ANKRD28: variants seen among roughly 807,000 people sequenced by gnomAD.
ANKRD28 encodes serine/threonine-protein phosphatase 6 regulatory ankyrin repeat subunit A.
In ANKRD28, 44 loss-of-function variants were observed where a neutral mutation model predicts 126.5. The ratio of observed to expected loss-of-function variants is 0.35; its 90% CI spans 0.27 to 0.45. The LOEUF (loss-of-function observed/expected upper bound fraction) is 0.45. Ranked by LOEUF, ANKRD28 falls within the 20% of genes least tolerant of loss-of-function variation. The pLI is 1.00. For missense variants in ANKRD28, 1,110 were observed against 1,316.6 expected (o/e 0.84, Z 2.43); for synonymous variants, 442 against 468.5 (o/e 0.94, Z 0.73).
chr3:15,784,689 A>C (rs1446659333), intron 2 of ANKRD28, among the ~76,000 whole-genome samples: 6 of 152,052 alleles, frequency 3.9e-5, no homozygotes, highest in Non-Finnish European at 7.4e-5. Flanking sequence ...CAATGGTCTA[A>C]AAACACCAAT....
rs1258907511 is a variant in ANKRD28, at chr3:15,839,263, T to A, written c.27+20114A>T. 4.0e-5 allele frequency among the ~76,000 whole-genome samples: 6 copies of A among 151,898 alleles called. No individual in the cohort carries two copies. On this transcript the variant is annotated intron_variant, in intron 1 of 27. Coordinates refer to the ANKRD28 transcript ENST00000399451. The surrounding 1 kb of genome is among the most constrained non-coding windows in gnomAD (Gnocchi z 4.3). ...AATTTTATGGTATATAAATTATACCTCAATAAACTGTTAAAAAAAAAACAC... is the reference window on the plus strand; with the variant it reads ...AATTTTATGGTATATAAATTATACCACAATAAACTGTTAAAAAAAAAACAC...
chr3:15,800,012 T>C (rs778582285), upstream of ANKRD28, among the ~76,000 whole-genome samples: 1 of 152,072 alleles, frequency 6.6e-6, no homozygotes, highest in African/African-American at 2.4e-5. Flanking sequence ...GAGTTTCATA[T>C]CTCTAATAAG....
At chr3:15,810,415 G>C (rs1194612308) in intron 1 of ANKRD28, among the ~76,000 whole-genome samples, 1 of 151,988 alleles carries the variant, frequency 6.6e-6, no homozygotes, top group Non-Finnish European at 1.5e-5. Context: ...TTTCAGTGAA[G>C]CATTATTTAC....
chr3:15,833,947 T>C lies in ANKRD28; in HGVS notation c.27+25430A>G, dbSNP rs1030122731. 3.9e-5 allele frequency among the ~76,000 whole-genome samples: 6 copies of C among 152,230 alleles called. 1 individual carries two copies. Among genetic ancestry groups the C allele is most frequent in the Admixed American group, 2.0e-4 (3 of 15,282 alleles). On this transcript the variant is annotated intron_variant, in intron 1 of 27. Coordinates refer to the ANKRD28 transcript ENST00000399451. This position sits in a 1 kb window ranked among gnomAD's most constrained non-coding sequence, Gnocchi z 4.4. ...CATTTTTTAATGTTTGTTTTTTTCTTAAGTTCCTTGTAGATTCTGGATATT... is the reference window on the plus strand; with the variant it reads ...CATTTTTTAATGTTTGTTTTTTTCTCAAGTTCCTTGTAGATTCTGGATATT...
chr3:15,768,555 T>A (rs1221995757), intron 2 of ANKRD28, among the ~76,000 whole-genome samples: 1 of 151,858 alleles, frequency 6.6e-6, no homozygotes, highest in African/African-American at 2.4e-5. Flanking sequence ...CTCGGCAGGC[T>A]GAGGTAGGAT....
intron 1 of ANKRD28, among the ~76,000 whole-genome samples, chr3:15,858,449 T>C (rs543363250): frequency 1.3e-5 from 2 of 152,358 alleles, no homozygotes; most frequent in East Asian, 3.9e-4. Context: ...ATATAAAAAA[T>C]AGTCTCAGGT....
At position 15,676,003 on chromosome 3, in the gene ANKRD28, C is replaced by A; in HGVS notation, c.2874-14G>T. On this transcript the variant is annotated splice_polypyrimidine_tract_variant and intron_variant, in intron 26 of 27. Transcript: ENST00000683139. ...ACATGCAGAGGTCTAGGGGAAAAAA[C>A]ATGATACATGTACACATATGTGCAT... 6.2e-7 allele frequency: 1 copy of A among 1,606,432 alleles called. No homozygotes were observed. The highest frequency in any genetic ancestry group is 8.5e-7 in the Non-Finnish European group (1 of 1,175,254).
chr3:15,759,861 T>C (rs1249908807), intron 3 of ANKRD28, among the ~76,000 whole-genome samples: 1 of 152,192 alleles, frequency 6.6e-6, no homozygotes, highest in Admixed American at 6.5e-5. Flanking sequence ...TGCTGTGTCC[T>C]AAAATCCCTA....
intron 1 of ANKRD28, among the ~76,000 whole-genome samples, chr3:15,805,482 G>C (rs560870862): frequency 4.8e-4 from 73 of 152,142 alleles, no homozygotes; most frequent in African/African-American, 1.6e-3. Flanking sequence ...TAGTATCTCT[G>C]ACATATGACT....
At chr3:15,827,286 A>C (rs2061088345) in intron 1 of ANKRD28, among the ~76,000 whole-genome samples, 2 of 152,200 alleles carry the variant, frequency 1.3e-5, no homozygotes, top group South Asian at 4.1e-4. Context: ...AAAAGAAATG[A>C]AAGCAGTATG....
intron 3 of ANKRD28, among the ~76,000 whole-genome samples, chr3:15,761,398 G>C (rs1442629437): frequency 6.6e-6 from 1 of 152,038 alleles, no homozygotes; most frequent in Non-Finnish European, 1.5e-5. Context: ...GAATTGATCA[G>C]ATCAAATATC....
chr3:15,826,520 C>T (rs2125923020), intron 1 of ANKRD28, among the ~76,000 whole-genome samples: 1 of 152,280 alleles, frequency 6.6e-6, no homozygotes, highest in East Asian at 1.9e-4. Context: ...TAAAAGCTAA[C>T]TTCCAAGGTG....
rs1304933763 is a variant in ANKRD28 at position 15,839,002 on chromosome 3, G to C, written c.27+20375C>G. 1.3e-5 allele frequency among the ~76,000 whole-genome samples: 2 copies of C among 151,954 alleles called. No individual in the cohort carries two copies. The highest frequency in any genetic ancestry group is 1.3e-4 in the Admixed American group (2 of 15,256). On this transcript the variant is annotated intron_variant, in intron 1 of 27. Transcript: ENST00000399451. This position sits in a 1 kb window ranked among gnomAD's most constrained non-coding sequence, Gnocchi z 4.3. ...ATTTATACCAAATTTTTAAAAGCCA[G>C]ACAAAAAATGATCACGTATCATATG...
At chr3:15,768,384 T>C (rs1205301318) in intron 2 of ANKRD28, among the ~76,000 whole-genome samples, 1 of 152,206 alleles carries the variant, frequency 6.6e-6, no homozygotes, top group Non-Finnish European at 1.5e-5. Flanking sequence ...GATGTTATTA[T>C]ACAGACGTAT....
intron 17 of ANKRD28, 86 bp from the exon 18 acceptor site, chr3:15,690,306 T>C: frequency 9.0e-7 from 1 of 1,107,182 alleles, no homozygotes; most frequent in Non-Finnish European, 1.3e-6. Flanking sequence ...TAAGCAAACT[T>C]GTCTTCATAT....
intron 4 of ANKRD28, among the ~76,000 whole-genome samples, chr3:15,751,476 G>T (rs1026231933): frequency 1.3e-5 from 2 of 152,128 alleles, no homozygotes; most frequent in African/African-American, 2.4e-5. Flanking sequence ...AAGCCCTGAG[G>T]AAGAATATAT....
Position 15,733,661 on chromosome 3 carries a change from T to C in ANKRD28, c.640+1749A>G, listed in dbSNP as rs73147548. Among the ~76,000 whole-genome samples, 881 of 152,384 alleles carry C rather than the reference T, an allele frequency of 5.8e-3. 8 individuals are homozygous for C. The highest frequency in any genetic ancestry group is 0.02 in the African/African-American group (813 of 41,592). On this transcript the variant is annotated intron_variant, in intron 6 of 27. Transcript: ENST00000683139. ...GAGATAAGGTAAGGTCTCTGATGCA[T>C]GAATGCTGTTGCTTTTGTAAAAAAT...
At position 15,737,170 on chromosome 3, in the gene ANKRD28, T is replaced by C; in HGVS notation, c.415A>G (p.Thr139Ala). The C allele has an allele frequency of 6.2e-7, 1 of 1,613,972 alleles. No homozygotes were observed. Among genetic ancestry groups the C allele is most frequent in the Non-Finnish European group, 8.5e-7 (1 of 1,179,890 alleles). Reference sequence around the variant, plus strand: ...TTAGCAGCAGCTATATGTAAAGGGGTTTGCCAATTTTTGTCTCGAGCATTA... The same window carrying C: ...TTAGCAGCAGCTATATGTAAAGGGGCTTGCCAATTTTTGTCTCGAGCATTA... ...DVNARDKNWQTPLHIAAANKA... is the reference protein window; with the variant it reads ...DVNARDKNWQAPLHIAAANKA... The change falls in exon 5 of 28, where the codon ACC becomes GCC. Residue 139 changes from threonine to alanine, a missense_variant. Physicochemically the swap from Thr to Ala is moderately conservative, Grantham distance 58. Coordinates refer to ENST00000683139, the MANE Select transcript of ANKRD28 (RefSeq NM_001349278.2).
rs921013463 is a variant in ANKRD28, at chr3:15,766,143, G to A, written c.280+91C>T. 3.3e-6 allele frequency: 3 copies of A among 912,056 alleles called. No homozygotes were observed. In the East Asian group the frequency reaches 7.9e-5, roughly 24 times the overall value. 56.5% of individuals were successfully genotyped at this position (912,056 alleles called of 1,614,324 possible). On this transcript the variant is annotated intron_variant, in intron 3 of 27. Transcript: ENST00000683139. The stretch of plus-strand genomic sequence containing the variant: ...CTGATAAAACAAATATGAACAACAG[G>A]CCATGCAGTAAATAGTCAATTATGA...
Sources: allele counts gnomAD v4.1 joint callset (sites outside exome capture counted in the v4.1 genomes callset), GRCh38; gene constraint gnomAD v4.1.1; non-coding constraint Gnocchi (gnomAD v3.1); transcripts MANE v1.5; gene names NCBI Gene and HGNC (gene_info 2026-07-23, HGNC 2026-07-21).